The following LDAH variants were observed in gnomAD, a reference collection of about 807,000 sequenced individuals.
LDAH encodes lipid droplet associated hydrolase.
In LDAH, 26 loss-of-function variants were observed where a neutral mutation model predicts 29.6. The ratio of observed to expected loss-of-function variants is 0.88; its 90% CI spans 0.64 to 1.22. LDAH has a LOEUF of 1.22. LDAH is among the 50% of genes most tolerant of loss of function. The pLI is 0.00. For synonymous variants in LDAH, 117 were observed against 133.0 expected (o/e 0.88, Z 0.83); for missense variants, 344 against 387.3 (o/e 0.89, Z 0.94).
intron 2 of LDAH, among the ~76,000 whole-genome samples, chr2:20,799,551 T>C (rs928693891): frequency 9.9e-5 from 15 of 152,188 alleles, no homozygotes; most frequent in Non-Finnish European, 1.9e-4. Context: ...CTGTTAACTA[T>C]AGTCAGTCTA....
chr2:20,804,074 T>C (rs1263808919), intron 1 of LDAH, among the ~76,000 whole-genome samples: 1 of 152,180 alleles, frequency 6.6e-6, no homozygotes, highest in African/African-American at 2.4e-5. Context: ...ACTCACAGCA[T>C]CTGTCTTTAT....
In LDAH at chr2:20,684,903, C is replaced by T. The variant is rs758698588; in HGVS notation, c.*2000G>A. On this transcript the variant is annotated 3_prime_UTR_variant, in exon 7 of 7. Coordinates refer to ENST00000237822, the MANE Select transcript of LDAH (RefSeq NM_021925.4). ...AATGAAACAGAATGAACTTCAGTCT[C>T]TTGAAATCTGATTCTTCCACCTATG... 6.5e-7 allele frequency: 1 copy of T among 1,549,802 alleles called. No individual in the cohort carries two copies. Among genetic ancestry groups the T allele is most frequent in the Non-Finnish European group, 8.7e-7 (1 of 1,146,676 alleles).
At chr2:20,731,513 A>C (rs1204819878) in intron 5 of LDAH, among the ~76,000 whole-genome samples, 2 of 152,170 alleles carry the variant, frequency 1.3e-5, no homozygotes, top group Non-Finnish European at 2.9e-5. Context: ...TAAATTACCC[A>C]GTGTGAGAGT....
rs569356472 is a variant in LDAH, at chr2:20,766,812, C to A, written c.468+7998G>T. Among the ~76,000 whole-genome samples, 6 of 152,308 alleles carry A rather than the reference C, an allele frequency of 3.9e-5. No homozygotes were observed. In the East Asian group the frequency reaches 1.2e-3, roughly 29 times the overall value. On this transcript the variant is annotated intron_variant, in intron 4 of 6. Transcript: ENST00000237822. ...GAAGTGGCTACAGGAGCTGCAATGG[C>A]GGTGGTGGGTCCCCTGTGCCCCACG...
rs757416876 is a variant in LDAH at position 20,774,901 on chromosome 2, T to G, written c.377A>C (p.His126Pro). Residue 126 changes from histidine (H) to proline (P), a missense_variant, in exon 4 of 7, where the codon CAT becomes CCT. By Grantham distance (77) the His-to-Pro change is moderately conservative. Coordinates refer to ENST00000237822, the MANE Select transcript of LDAH (RefSeq NM_021925.4). ...CACAAGTTTCATGTCCTTTGGCACA[T>G]GAGTTCTCAGGAAAGCTAGTTTGTG... is the stretch of plus-strand genomic sequence containing the variant. ...IEHKLAFLRT[H>P]VPKDMKLVLI... 7.4e-6 allele frequency: 12 copies of G among 1,613,550 alleles called. No homozygotes were observed. In the Middle Eastern group the frequency reaches 5.2e-4, roughly 70 times the overall value.
At chr2:20,699,526 G>T (rs112619440) in intron 6 of LDAH, among the ~76,000 whole-genome samples, 2,618 of 152,224 alleles carry the variant, frequency 0.017, 36 homozygotes, top group Middle Eastern at 0.068. Flanking sequence ...GTTTCACTTA[G>T]GAGCTGTAAT....
chr2:20,754,180 A>G (rs1668150602), intron 4 of LDAH, among the ~76,000 whole-genome samples: 1 of 152,078 alleles, frequency 6.6e-6, no homozygotes, highest in Non-Finnish European at 1.5e-5. Flanking sequence ...CTCTTTATTC[A>G]TTGCTAAGAA....
At chr2:20,811,576 C>T (rs1286380982) in intron 1 of LDAH, among the ~76,000 whole-genome samples, 4 of 151,862 alleles carry the variant, frequency 2.6e-5, no homozygotes, top group Non-Finnish European at 5.9e-5. Context: ...GCTCTGCCCC[C>T]GGGGTTCACG....
rs137972913 is a variant in LDAH at position 20,752,722 on chromosome 2, T to C, written c.469-12517A>G. Among the ~76,000 whole-genome samples the C allele has an allele frequency of 3.1e-3, 471 of 152,358 alleles. 2 individuals carry two copies. Among genetic ancestry groups the C allele is most frequent in the African/African-American group, 9.5e-3 (395 of 41,596 alleles). ...ACAAAAATTTACTCTCTGGCAGTTT[T>C]GGAGGCCAAATCAGTATCACTGGGC... is the stretch of plus-strand genomic sequence containing the variant. On this transcript the variant is annotated intron_variant, in intron 4 of 6. Coordinates refer to ENST00000237822, the MANE Select transcript of LDAH (RefSeq NM_021925.4).
chr2:20,689,518 T>C (rs1662835274), intron 6 of LDAH, among the ~76,000 whole-genome samples: 1 of 152,204 alleles, frequency 6.6e-6, no homozygotes, highest in Admixed American at 6.5e-5. Flanking sequence ...TTTCCACTAG[T>C]AGAAAAACAC....
chr2:20,810,943 T>C (rs645100), intron 1 of LDAH, among the ~76,000 whole-genome samples: 24,276 of 151,404 alleles, frequency 0.16, 4,820 homozygotes, highest in African/African-American at 0.48. Flanking sequence ...AAACCATCAC[T>C]CCCCACTCCC....
chr2:20,688,345 G>A (rs1662718225), intron 6 of LDAH, among the ~76,000 whole-genome samples: 1 of 152,166 alleles, frequency 6.6e-6, no homozygotes, highest in South Asian at 2.1e-4. Flanking sequence ...CACATGGCTG[G>A]AATATAGGGT....
chr2:20,750,065 G>A (rs922669795), intron 4 of LDAH, among the ~76,000 whole-genome samples: 5 of 133,202 alleles, frequency 3.8e-5, no homozygotes, highest in Non-Finnish European at 6.2e-5. Context: ...TCATTCTGTC[G>A]CCCAGACTGG....
chr2:20,701,528 A>G (rs746829177), intron 6 of LDAH, 42 bp downstream of exon 6: 6 of 1,519,290 alleles, frequency 3.9e-6, no homozygotes, highest in South Asian at 3.4e-5. Context: ...ATCTCTGCCC[A>G]TCTACTTATT....
chr2:20,747,230 G>A (rs1004774090), intron 4 of LDAH, among the ~76,000 whole-genome samples: 1 of 152,036 alleles, frequency 6.6e-6, no homozygotes, highest in Non-Finnish European at 1.5e-5. Flanking sequence ...TTCTGGGAGA[G>A]CAGCAATGGT....
chr2:20,749,560 G>C (rs1202285970), intron 4 of LDAH, among the ~76,000 whole-genome samples: 1 of 152,212 alleles, frequency 6.6e-6, no homozygotes, highest in East Asian at 1.9e-4. Context: ...CACAGCCCCA[G>C]CCACAAGGGA....
intron 4 of LDAH, among the ~76,000 whole-genome samples, chr2:20,750,723 T>G (rs1056947264): frequency 1.3e-5 from 2 of 152,244 alleles, no homozygotes; most frequent in Non-Finnish European, 2.9e-5. Flanking sequence ...TTCATTGTTG[T>G]GCTATTCACA....
intron 5 of LDAH, among the ~76,000 whole-genome samples, chr2:20,719,352 A>G (rs1185356491): frequency 2.6e-5 from 4 of 151,924 alleles, no homozygotes; most frequent in Non-Finnish European, 5.9e-5. Flanking sequence ...AGAGACTACT[A>G]TCAACAGCTA....
intron 5 of LDAH, among the ~76,000 whole-genome samples, 157 bp from the exon 6 acceptor site, chr2:20,701,809 C>T (rs1663962337): frequency 6.6e-6 from 1 of 152,222 alleles, no homozygotes; most frequent in African/African-American, 2.4e-5. Flanking sequence ...AGTCAGGCAA[C>T]ATGCACACAG....
Sources: gnomAD v4.1 joint callset for allele counts (sites outside exome capture counted in the v4.1 genomes callset) on GRCh38, gnomAD v4.1.1 for gene constraint, MANE v1.5 for transcripts, NCBI Gene and HGNC (gene_info 2026-07-23, HGNC 2026-07-21) for gene names.